CTNNA2: variants seen among roughly 807,000 people sequenced by gnomAD.
The protein encoded by CTNNA2 is catenin alpha-2.
A neutral mutation model predicts 101.0 loss-of-function variants in CTNNA2; 42 were observed. That is an observed-to-expected ratio of 0.42 (90% confidence interval 0.32 to 0.54). The LOEUF (loss-of-function observed/expected upper bound fraction) is 0.54. Among genes scored for constraint, CTNNA2 ranks in the 20% least tolerant of loss-of-function variants. CTNNA2 has a pLI of 0.14. For synonymous variants in CTNNA2, 450 were observed against 456.4 expected (o/e 0.99, Z 0.18); for missense variants, 871 against 1,223.1 (o/e 0.71, Z 4.29).
chr2:79,546,474 A>G (rs1420934880), intron 1 of CTNNA2, among the ~76,000 whole-genome samples: 4 of 152,176 alleles, frequency 2.6e-5, no homozygotes, highest in Non-Finnish European at 5.9e-5. Context: ...GTAGCACTGA[A>G]TAAGTTATAA....
Position 80,070,378 on chromosome 2 carries a change from G to A in CTNNA2, c.1056+160581G>A, listed in dbSNP as rs796442287. 1.3e-3 allele frequency among the ~76,000 whole-genome samples: 193 copies of A among 152,184 alleles called. 1 individual carries two copies. Among genetic ancestry groups the A allele is most frequent in the African/African-American group, 4.5e-3 (185 of 41,508 alleles). On this transcript the variant is annotated intron_variant, in intron 7 of 18. Coordinates refer to ENST00000402739, the MANE Select transcript of CTNNA2 (RefSeq NM_001282597.3). ...GCTGTAACACATTATCACAAACTTG[G>A]TTGCATAAAGCAACAGAAATTTGTT...
chr2:79,895,055 T>C (rs1317051419), intron 6 of CTNNA2, among the ~76,000 whole-genome samples: 1 of 152,220 alleles, frequency 6.6e-6, no homozygotes, highest in Non-Finnish European at 1.5e-5. Context: ...CATCATCTTC[T>C]TGAGTTAACT....
chr2:80,538,885 TTC>T lies in CTNNA2; in HGVS notation c.1291-6091_1291-6090del, dbSNP rs1410109890. 3.3e-5 allele frequency among the ~76,000 whole-genome samples: 5 copies of T among 152,344 alleles called. No homozygotes were observed. The South Asian group carries it at 6.2e-4, about 19-fold the overall frequency. On this transcript the variant is annotated intron_variant, in intron 9 of 18. Coordinates refer to ENST00000402739, the MANE Select transcript of CTNNA2 (RefSeq NM_001282597.3). ...TGGACTGTTTTTCCATTTGTTTGTG[TTC>T]TCTCTTATTTCCTTGAGCAGTGGTT...
intron 3 of CTNNA2, among the ~76,000 whole-genome samples, chr2:79,796,425 A>G (rs766740726): frequency 4.7e-4 from 71 of 151,408 alleles, no homozygotes; most frequent in Non-Finnish European, 1.6e-4. Context: ...GGCCTAAACT[A>G]TGCCCAAGTT....
intron 4 of CTNNA2, among the ~76,000 whole-genome samples, chr2:79,419,952 T>A (rs796264495): frequency 6.6e-6 from 1 of 152,188 alleles, no homozygotes. Context: ...ATCTCCAGCA[T>A]GTTGCAGCTT....
chr2:80,090,064 T>C (rs1027118558), intron 7 of CTNNA2, among the ~76,000 whole-genome samples: 1 of 151,896 alleles, frequency 6.6e-6, no homozygotes, highest in Admixed American at 6.6e-5. Flanking sequence ...GAGAGGTCTG[T>C]CAAATTATAA....
At chr2:79,430,766 G>T (rs537683815) in intron 4 of CTNNA2, among the ~76,000 whole-genome samples, 3 of 151,976 alleles carry the variant, frequency 2.0e-5, no homozygotes, top group African/African-American at 7.3e-5. Context: ...GTATTAATCT[G>T]CAGCTATTCC....
intron 9 of CTNNA2, among the ~76,000 whole-genome samples, chr2:80,439,184 A>G (rs1374433717): frequency 6.6e-6 from 1 of 152,178 alleles, no homozygotes; most frequent in Non-Finnish European, 1.5e-5. Context: ...TGCCTGCTGC[A>G]TCAACTACAG....
chr2:79,668,209 C>T (rs377303027), intron 2 of CTNNA2, among the ~76,000 whole-genome samples: 3 of 138,050 alleles, frequency 2.2e-5, no homozygotes, highest in Non-Finnish European at 3.0e-5. Context: ...CACTGCAGTC[C>T]GCAGTCCGAC....
At chr2:80,539,625 C>T (rs1691367762) in intron 9 of CTNNA2, among the ~76,000 whole-genome samples, 1 of 152,084 alleles carries the variant, frequency 6.6e-6, no homozygotes, top group Non-Finnish European at 1.5e-5. Context: ...TTCCTCCTTT[C>T]CCTCAAGATA....
intron 7 of CTNNA2, among the ~76,000 whole-genome samples, chr2:80,130,164 A>G (rs541427964): frequency 2.0e-5 from 3 of 152,192 alleles, no homozygotes; most frequent in Admixed American, 6.5e-5. Context: ...TCAGTGTTCT[A>G]GTCAAGCTCT....
chr2:80,459,528 G>T (rs183619725), intron 9 of CTNNA2, among the ~76,000 whole-genome samples: 16 of 152,188 alleles, frequency 1.1e-4, no homozygotes, highest in Non-Finnish European at 2.1e-4. Flanking sequence ...GATAACATGG[G>T]CCCAGGCAGA....
chr2:80,500,865 G>A (rs1233231067), intron 9 of CTNNA2, among the ~76,000 whole-genome samples: 2 of 151,962 alleles, frequency 1.3e-5, no homozygotes, highest in South Asian at 4.1e-4. Context: ...TTTCATTAAA[G>A]CTTCAAGCTT....
chr2:79,521,865 G>A (rs1276401158), intron 1 of CTNNA2, among the ~76,000 whole-genome samples: 2 of 152,050 alleles, frequency 1.3e-5, no homozygotes, highest in Admixed American at 6.6e-5. Context: ...TGAACTGGAG[G>A]GGCAGGGAAT....
At chr2:79,489,284 A>G (rs1458841969) in intron 4 of CTNNA2, among the ~76,000 whole-genome samples, 1 of 152,190 alleles carries the variant, frequency 6.6e-6, no homozygotes, top group East Asian at 1.9e-4. Flanking sequence ...GGCACTAAAT[A>G]TGTCCTGAAA....
At chr2:79,659,360 T>G (rs2104517623) in intron 2 of CTNNA2, among the ~76,000 whole-genome samples, 1 of 152,186 alleles carries the variant, frequency 6.6e-6, no homozygotes, top group Admixed American at 6.6e-5. Flanking sequence ...AGAATATCAT[T>G]ATTGAGAGTC....
chr2:79,999,586 ATTATT>A (rs771267995), intron 7 of CTNNA2, among the ~76,000 whole-genome samples: 4 of 152,162 alleles, frequency 2.6e-5, no homozygotes, highest in Non-Finnish European at 4.4e-5. Flanking sequence ...TCTTCTATAC[ATTATT>A]TTATTTATTT....
At chr2:80,150,774 C>T (rs1396231192) in intron 7 of CTNNA2, among the ~76,000 whole-genome samples, 1 of 152,162 alleles carries the variant, frequency 6.6e-6, no homozygotes, top group African/African-American at 2.4e-5. Flanking sequence ...CCTGTTTTCC[C>T]CGTGTGGTTT....
chr2:79,905,654 G>T (rs931482051), intron 6 of CTNNA2, among the ~76,000 whole-genome samples: 1 of 152,024 alleles, frequency 6.6e-6, no homozygotes. Flanking sequence ...TGGTGATTTG[G>T]TGCCCCTTCC....
Sources: allele counts gnomAD v4.1 joint callset (sites outside exome capture counted in the v4.1 genomes callset), GRCh38; gene constraint gnomAD v4.1.1; transcripts MANE v1.5; gene names NCBI Gene and HGNC (gene_info 2026-07-23, HGNC 2026-07-21).